AUTS2: variants seen among roughly 807,000 people sequenced by gnomAD.
The protein encoded by AUTS2 is activator of transcription and developmental regulator AUTS2.
A neutral mutation model predicts 112.4 loss-of-function variants in AUTS2; 17 were observed. The ratio of observed to expected loss-of-function variants is 0.15; its 90% CI spans 0.10 to 0.23. The LOEUF (loss-of-function observed/expected upper bound fraction) is 0.23. AUTS2 is among the 10% of genes least tolerant of loss of function. The pLI is 1.00. For missense variants in AUTS2, 1,510 were observed against 1,701.6 expected (o/e 0.89, Z 1.98); for synonymous variants, 751 against 702.7 (o/e 1.07, Z -1.09).
At chr7:70,455,911 T>G (rs914678229) in intron 5 of AUTS2, among the ~76,000 whole-genome samples, 1 of 152,160 alleles carries the variant, frequency 6.6e-6, no homozygotes, top group Non-Finnish European at 1.5e-5. Context: ...ACCATGAGCT[T>G]TGGGGTCAGG....
chr7:70,313,315 G>GA (rs957722490), intron 4 of AUTS2, among the ~76,000 whole-genome samples: 3 of 152,310 alleles, frequency 2.0e-5, no homozygotes, highest in African/African-American at 7.2e-5. Flanking sequence ...TAAGTGCTCT[G>GA]AAGCTACCAA....
intron 2 of AUTS2, among the ~76,000 whole-genome samples, chr7:70,021,039 A>G (rs565948245): frequency 1.3e-5 from 2 of 151,206 alleles, no homozygotes; most frequent in African/African-American, 2.4e-5. Flanking sequence ...CTGGAGTGCA[A>G]TGGCGTGATC....
rs145043549 is a variant in AUTS2 at position 70,632,808 on chromosome 7, G to A, written c.691-65761G>A. Among the ~76,000 whole-genome samples the A allele has an allele frequency of 2.0e-3, 298 of 152,114 alleles. 1 individual carries two copies. Among genetic ancestry groups the A allele is most frequent in the African/African-American group, 6.7e-3 (276 of 41,460 alleles). On this transcript the variant is annotated intron_variant, in intron 5 of 18. Coordinates refer to ENST00000342771, the MANE Select transcript of AUTS2 (RefSeq NM_015570.4). ...ATAATAGCCACGGTTGGCTTTTCCCGAGCAAACAGACTTCTGTGGGCTGCA... is the reference window on the plus strand; with the variant it reads ...ATAATAGCCACGGTTGGCTTTTCCCAAGCAAACAGACTTCTGTGGGCTGCA...
chr7:70,566,476 G>A (rs1452495608), intron 5 of AUTS2, among the ~76,000 whole-genome samples: 2 of 152,108 alleles, frequency 1.3e-5, no homozygotes, highest in Non-Finnish European at 2.9e-5. Context: ...TGGGAATTGA[G>A]TATCTGGAAT....
intron 1 of AUTS2, among the ~76,000 whole-genome samples, chr7:69,639,576 A>G (rs750473342): frequency 3.3e-5 from 5 of 152,336 alleles, no homozygotes; most frequent in African/African-American, 4.8e-5. Context: ...TCTGATCACA[A>G]TTGAAGCATG....
chr7:70,670,821 T>C (rs112733761), intron 5 of AUTS2, among the ~76,000 whole-genome samples: 91 of 152,312 alleles, frequency 6.0e-4, no homozygotes, highest in African/African-American at 1.8e-3. Context: ...GACCTATTTA[T>C]GCCCAGGCAC....
chr7:69,679,156 C>CT (rs1445487786), intron 1 of AUTS2, among the ~76,000 whole-genome samples: 6 of 152,234 alleles, frequency 3.9e-5, no homozygotes, highest in Non-Finnish European at 2.9e-5. Flanking sequence ...GAGATTGTGA[C>CT]TGGCCAAGGC....
chr7:70,175,960 C>T (rs532820807), intron 4 of AUTS2, among the ~76,000 whole-genome samples: 31 of 152,126 alleles, frequency 2.0e-4, no homozygotes, highest in Non-Finnish European at 3.7e-4. Flanking sequence ...GGAACCAAAT[C>T]TACAATGTCT....
chr7:70,229,289 G>A (rs1439617330), intron 4 of AUTS2, among the ~76,000 whole-genome samples: 3 of 152,024 alleles, frequency 2.0e-5, no homozygotes, highest in Non-Finnish European at 2.9e-5. Context: ...CTTTAATAGG[G>A]GATTTCTTAA....
chr7:69,944,351 G>A (rs1334489380), intron 2 of AUTS2, among the ~76,000 whole-genome samples: 1 of 152,146 alleles, frequency 6.6e-6, no homozygotes, highest in African/African-American at 2.4e-5. Context: ...CTCGAAAAGG[G>A]GGCAGCGTTT....
At chr7:70,632,579 A>G (rs1348897539) in intron 5 of AUTS2, among the ~76,000 whole-genome samples, 1 of 151,654 alleles carries the variant, frequency 6.6e-6, no homozygotes. Context: ...CTGAGGTTCT[A>G]ACTCCCTGCT....
chr7:69,762,293 C>CTTTTT lies in AUTS2; in HGVS notation c.310-136966_310-136962dup, dbSNP rs534032498. On this transcript the variant is annotated intron_variant, in intron 1 of 18. Coordinates refer to ENST00000342771, the MANE Select transcript of AUTS2 (RefSeq NM_015570.4). ...TTCCCAAACATTTTAGCCAAGTTGT[C>CTTTTT]TTTTTTTTTTTTTTTTTTTTTTTTT... is the stretch of plus-strand genomic sequence containing the variant. Among the ~76,000 whole-genome samples, 17 of 61,596 alleles carry CTTTTT rather than the reference C, an allele frequency of 2.8e-4. 2 individuals are homozygous for CTTTTT. The highest frequency in any genetic ancestry group is 5.7e-4 in the Admixed American group (2 of 3,492). 40.4% of individuals were successfully genotyped at this position (61,596 alleles called of 152,430 possible). A position where few individuals can be genotyped will look rare whatever the true frequency, so the allele number is the denominator to read the frequency against.
chr7:69,632,769 G>C (rs1274662840), intron 1 of AUTS2, among the ~76,000 whole-genome samples: 1 of 152,038 alleles, frequency 6.6e-6, no homozygotes, highest in Non-Finnish European at 1.5e-5. Flanking sequence ...TTTTATGGTA[G>C]AGCCACAACA....
intron 1 of AUTS2, among the ~76,000 whole-genome samples, chr7:69,734,062 A>G (rs1786922060): frequency 6.6e-6 from 1 of 152,258 alleles, no homozygotes; most frequent in East Asian, 1.9e-4. Flanking sequence ...TAATATTTAG[A>G]GTCATAAAAT....
intron 4 of AUTS2, among the ~76,000 whole-genome samples, chr7:70,228,348 A>G (rs1301247030): frequency 6.6e-6 from 1 of 151,642 alleles, no homozygotes; most frequent in African/African-American, 2.4e-5. Flanking sequence ...TAGAAAGCAT[A>G]TCATTGGGTC....
At chr7:69,620,463 A>G (rs897164228) in intron 1 of AUTS2, among the ~76,000 whole-genome samples, 1 of 152,304 alleles carries the variant, frequency 6.6e-6, no homozygotes, top group Admixed American at 6.5e-5. Flanking sequence ...AAGAAAATAG[A>G]AAGTTTGAGG....
chr7:70,036,044 A>G (rs1434998686), intron 2 of AUTS2, among the ~76,000 whole-genome samples: 1 of 152,188 alleles, frequency 6.6e-6, no homozygotes, highest in Non-Finnish European at 1.5e-5. Flanking sequence ...GACTGCTTTG[A>G]ATGGGGGAAG....
chr7:70,608,863 G>A (rs190413148), intron 5 of AUTS2, among the ~76,000 whole-genome samples: 3 of 152,310 alleles, frequency 2.0e-5, no homozygotes, highest in African/African-American at 7.2e-5. Context: ...AAGACTACAT[G>A]TCTTAGCCAC....
chr7:70,309,162 G>T (rs1268389506), intron 4 of AUTS2, among the ~76,000 whole-genome samples: 1 of 152,056 alleles, frequency 6.6e-6, no homozygotes, highest in Admixed American at 6.5e-5. Context: ...GAATTAGTGG[G>T]GTCAGTTCCT....
Sources: gnomAD v4.1 joint callset for allele counts (sites outside exome capture counted in the v4.1 genomes callset) on GRCh38, gnomAD v4.1.1 for gene constraint, MANE v1.5 for transcripts, NCBI Gene and HGNC (gene_info 2026-07-23, HGNC 2026-07-21) for gene names.